TMPRSS11E: variants seen among roughly 807,000 people sequenced by gnomAD.
The protein encoded by TMPRSS11E is transmembrane serine protease 11E.
Under a neutral mutation model 48.1 loss-of-function variants are expected in TMPRSS11E, and 38 were observed. The ratio of observed to expected loss-of-function variants is 0.79; its 90% confidence interval spans 0.61 to 1.04. The LOEUF is 1.04. Among genes scored for constraint, TMPRSS11E ranks in the 50% least tolerant of loss-of-function variants. The pLI, the probability that TMPRSS11E is intolerant of heterozygous loss-of-function variation, is 0.00. For missense variants in TMPRSS11E, 530 were observed against 510.8 expected (o/e 1.04, Z -0.36); for synonymous variants, 158 against 171.9 (o/e 0.92, Z 0.63).
chr4:68,458,755 G>T (rs1003752847), intron 1 of TMPRSS11E, among the ~76,000 whole-genome samples: 52 of 152,178 alleles, frequency 3.4e-4, no homozygotes, highest in African/African-American at 1.2e-3. Flanking sequence ...AAAAAATAGG[G>T]TGAATCAGTT....
chr4:68,452,133 G>T (rs1728514865), intron 1 of TMPRSS11E, among the ~76,000 whole-genome samples: 2 of 151,878 alleles, frequency 1.3e-5, no homozygotes, highest in African/African-American at 2.4e-5. Flanking sequence ...ACAGGAATGG[G>T]TGAGTCAGTC....
In TMPRSS11E at chr4:68,496,946, A is replaced by C; in HGVS notation, c.*142A>C. 1.2e-6 allele frequency: 1 copy of C among 842,756 alleles called. No homozygotes were observed. 52.2% of individuals were successfully genotyped at this position (842,756 alleles called of 1,614,324 possible). On this transcript the variant is annotated 3_prime_UTR_variant, in exon 10 of 10. Coordinates refer to ENST00000305363, the MANE Select transcript of TMPRSS11E (RefSeq NM_014058.4). ...AATAAACTGTTTGCTTGATGCATGT[A>C]TTTTCTTCCCAGCTCTGTTCCGCAC...
At chr4:68,465,963 G>T (rs540760217) in intron 2 of TMPRSS11E, among the ~76,000 whole-genome samples, 1 of 152,268 alleles carries the variant, frequency 6.6e-6, no homozygotes, top group East Asian at 1.9e-4. Flanking sequence ...ATTGAATGCA[G>T]AATGTAGAGA....
chr4:68,479,842 C>T (rs566657919), intron 9 of TMPRSS11E, among the ~76,000 whole-genome samples: 23 of 152,040 alleles, frequency 1.5e-4, no homozygotes, highest in African/African-American at 5.3e-4. Context: ...CTTCTTTTAG[C>T]CACTCTTTTA....
intron 1 of TMPRSS11E, 65 bp from the exon 2 acceptor site, chr4:68,461,755 GT>G: frequency 1.2e-6 from 2 of 1,606,542 alleles, no homozygotes; most frequent in Non-Finnish European, 1.7e-6. Context: ...CAAAATATCT[GT>G]TTTGTCTAAT....
intron 6 of TMPRSS11E, 110 bp from the exon 7 acceptor site, chr4:68,476,151 C>A: frequency 7.0e-7 from 1 of 1,428,174 alleles, no homozygotes; most frequent in Non-Finnish European, 9.8e-7. Flanking sequence ...ACATTTGATA[C>A]TTTTGGAGCA....
intron 1 of TMPRSS11E, among the ~76,000 whole-genome samples, chr4:68,456,564 G>T (rs567663367): frequency 6.6e-6 from 1 of 152,114 alleles, no homozygotes; most frequent in South Asian, 2.1e-4. Context: ...GAAAGTGTGA[G>T]AAGGATTAAT....
In TMPRSS11E at chr4:68,477,378, C is replaced by G. The variant is rs756240967; in HGVS notation, c.717C>G (p.Asn239Lys). 6.2e-7 allele frequency: 1 copy of G among 1,611,780 alleles called. No individual in the cohort carries two copies. Among genetic ancestry groups the G allele is most frequent in the Non-Finnish European group, 8.5e-7 (1 of 1,179,164 alleles). ...SAAHCFTTYK[N>K]PARWTASFGV... ...ATTTTTTTCTCCCCAGATATAAGAA[C>G]CCTGCCAGATGGACTGCTTCCTTTG... The change falls in exon 8 of 10, where the codon AAC (asparagine) becomes AAG (lysine). Residue 239 changes from asparagine to lysine, a missense_variant. Coordinates refer to ENST00000305363, the MANE Select transcript of TMPRSS11E (RefSeq NM_014058.4).
At chr4:68,478,826 A>G in intron 8 of TMPRSS11E, 23 bp from the exon 9 acceptor site, 1 of 1,611,038 alleles carries the variant, frequency 6.2e-7, no homozygotes, top group Non-Finnish European at 8.5e-7. Context: ...GTCTACAAAT[A>G]CAAAGACTTT....
intron 4 of TMPRSS11E, among the ~76,000 whole-genome samples, chr4:68,469,274 G>A (rs1467015333): frequency 1.3e-5 from 2 of 151,906 alleles, no homozygotes; most frequent in Non-Finnish European, 2.9e-5. Context: ...CCCCATGTAA[G>A]ACAATATAGT....
intron 2 of TMPRSS11E, among the ~76,000 whole-genome samples, chr4:68,464,224 C>T (rs1214797833): frequency 6.6e-6 from 1 of 152,172 alleles, no homozygotes; most frequent in Non-Finnish European, 1.5e-5. Flanking sequence ...TAGAAGCTGA[C>T]ATGCCAAAAT....
intron 9 of TMPRSS11E, among the ~76,000 whole-genome samples, chr4:68,481,235 T>C (rs969012617): frequency 1.3e-5 from 2 of 152,218 alleles, no homozygotes; most frequent in Admixed American, 1.3e-4. Context: ...ATTCCATGAC[T>C]ATTGTGACAA....
intron 5 of TMPRSS11E, among the ~76,000 whole-genome samples, 174 bp from the exon 6 acceptor site, chr4:68,474,549 C>T (rs145868975): frequency 6.6e-5 from 10 of 152,238 alleles, no homozygotes; most frequent in African/African-American, 2.4e-4. Context: ...ACACCGTTCA[C>T]ATTCTCTGCA....
intron 1 of TMPRSS11E, among the ~76,000 whole-genome samples, chr4:68,458,348 TA>T (rs34327193): frequency 6.6e-6 from 1 of 151,696 alleles, no homozygotes; most frequent in Non-Finnish European, 1.5e-5. Flanking sequence ...AATTTGGGGC[TA>T]AAAAAACAAA....
chr4:68,489,078 A>G (rs146891753), intron 9 of TMPRSS11E, among the ~76,000 whole-genome samples: 2 of 152,136 alleles, frequency 1.3e-5, no homozygotes, highest in Non-Finnish European at 2.9e-5. Context: ...GAGTTCTTGC[A>G]TTGGTTCTTT....
intron 9 of TMPRSS11E, among the ~76,000 whole-genome samples, chr4:68,486,112 T>C (rs984324445): frequency 1.4e-4 from 21 of 152,174 alleles, no homozygotes; most frequent in African/African-American, 5.1e-4. Flanking sequence ...CATTGATCTT[T>C]TATATGGATT....
intron 9 of TMPRSS11E, among the ~76,000 whole-genome samples, chr4:68,485,116 T>A (rs1454211565): frequency 6.6e-6 from 1 of 152,138 alleles, no homozygotes; most frequent in African/African-American, 2.4e-5. Flanking sequence ...TTGAAGTATG[T>A]TCCTCTGATG....
chr4:68,495,250 A>G (rs1729834180), intron 9 of TMPRSS11E, among the ~76,000 whole-genome samples: 1 of 151,876 alleles, frequency 6.6e-6, no homozygotes, highest in Non-Finnish European at 1.5e-5. Context: ...CTATTTATAT[A>G]CTATTATTTA....
At chr4:68,457,871 GA>G (rs1361591022) in intron 1 of TMPRSS11E, among the ~76,000 whole-genome samples, 1 of 151,938 alleles carries the variant, frequency 6.6e-6, no homozygotes, top group East Asian at 1.9e-4. Flanking sequence ...TCATAAGTGG[GA>G]GTTAAACAAT....
Sources: allele counts gnomAD v4.1 joint callset (sites outside exome capture counted in the v4.1 genomes callset), GRCh38; gene constraint gnomAD v4.1.1; transcripts MANE v1.5; gene names NCBI Gene and HGNC (gene_info 2026-07-23, HGNC 2026-07-21).